The following UBE2D3 variants were observed in gnomAD, a reference collection of about 807,000 sequenced individuals.
UBE2D3 encodes ubiquitin conjugating enzyme E2 D3, also known as ubiquitin-conjugating enzyme E2 D3.
Under a neutral mutation model 22.8 loss-of-function variants are expected in UBE2D3, and 2 were observed. The observed-to-expected ratio is 0.09, with a 90% CI of 0.04 to 0.28. UBE2D3 has a LOEUF of 0.28. UBE2D3 is among the 10% of genes least tolerant of loss of function. UBE2D3 has a pLI of 1.00. For missense variants in UBE2D3, 27 were observed against 182.5 expected, an observed-to-expected ratio of 0.15 and a Z score of 4.91; for synonymous variants, 56 against 60.4, an observed-to-expected ratio of 0.93 and a Z score of 0.34.
At chr4:102,819,444 C>T in intron 2 of UBE2D3, 1 of 316,198 alleles carries the variant, frequency 3.2e-6, no homozygotes, top group Non-Finnish European at 4.6e-6. Context: ...TACAGAGCAG[C>T]CATGTTCCAG....
chr4:102,834,975 C>T (rs1185165550), intron 1 of UBE2D3, among the ~76,000 whole-genome samples: 3 of 152,070 alleles, frequency 2.0e-5, no homozygotes, highest in Admixed American at 6.5e-5. Context: ...AGATTCTTTC[C>T]CCTTTTCCAT....
At chr4:102,836,617 G>A (rs1731421703) in intron 1 of UBE2D3, among the ~76,000 whole-genome samples, 1 of 152,138 alleles carries the variant, frequency 6.6e-6, no homozygotes, top group African/African-American at 2.4e-5. Flanking sequence ...TTTCCCAAGT[G>A]TTTTTTACCA....
chr4:102,853,229 G>A (rs56055030), intron 1 of UBE2D3, among the ~76,000 whole-genome samples: 1 of 135,402 alleles, frequency 7.4e-6, no homozygotes, highest in Non-Finnish European at 1.5e-5. Flanking sequence ...TGCAAGCTCC[G>A]CCTCCCGGGT....
chr4:102,797,589 A>G (rs1217347070), intron 7 of UBE2D3, 129 bp from the exon 8 acceptor site: 2 of 599,360 alleles, frequency 3.3e-6, no homozygotes, highest in East Asian at 3.3e-5. Context: ...TATGATTAGA[A>G]TAAAAGCCAA....
chr4:102,801,378 A>C, intron 6 of UBE2D3, 76 bp downstream of exon 6: 1 of 1,279,524 alleles, frequency 7.8e-7, no homozygotes. Context: ...CCATAATAAA[A>C]ATACTCAGAT....
At chr4:102,826,708 A>C in intron 1 of UBE2D3, 72 bp from the exon 2 acceptor site, 1 of 1,444,134 alleles carries the variant, frequency 6.9e-7, no homozygotes, top group South Asian at 1.5e-5. Context: ...AGGTCCCTTA[A>C]GACAGCCGCG....
intron 1 of UBE2D3, among the ~76,000 whole-genome samples, chr4:102,862,294 T>G (rs1732934221): frequency 2.0e-5 from 3 of 152,002 alleles, no homozygotes; most frequent in African/African-American, 2.4e-5. Context: ...TAAAAAAAGT[T>G]TATCTCTTTA....
chr4:102,814,011 A>G (rs1240786219), intron 2 of UBE2D3, among the ~76,000 whole-genome samples: 1 of 152,232 alleles, frequency 6.6e-6, no homozygotes, highest in Non-Finnish European at 1.5e-5. Flanking sequence ...CCCAAGATTC[A>G]CAATTTTAAG....
chr4:102,845,188 C>T (rs1204277968), intron 1 of UBE2D3, among the ~76,000 whole-genome samples: 1 of 152,080 alleles, frequency 6.6e-6, no homozygotes, highest in Non-Finnish European at 1.5e-5. Flanking sequence ...TGCACTCCAG[C>T]CTGGGTGACA....
At chr4:102,798,901 C>A (rs376660514) in intron 7 of UBE2D3, 1 of 1,608,536 alleles carries the variant, frequency 6.2e-7, no homozygotes. Flanking sequence ...CCATAATAAG[C>A]GCACCATAGA....
intron 4 of UBE2D3, among the ~76,000 whole-genome samples, chr4:102,803,460 C>G (rs187034933): frequency 9.5e-4 from 145 of 152,288 alleles, no homozygotes; most frequent in African/African-American, 3.4e-3. Flanking sequence ...TCACTATGCC[C>G]ATTCTGGATG....
intron 2 of UBE2D3, among the ~76,000 whole-genome samples, chr4:102,824,247 A>T (rs1730096057): frequency 1.3e-5 from 2 of 152,366 alleles, no homozygotes; most frequent in South Asian, 4.1e-4. Flanking sequence ...AAAGGAGACA[A>T]CCTGGTTAAC....
intron 1 of UBE2D3, among the ~76,000 whole-genome samples, chr4:102,862,740 T>C (rs1732958153): frequency 6.6e-6 from 1 of 152,222 alleles, no homozygotes; most frequent in African/African-American, 2.4e-5. Flanking sequence ...GAATTGCCCT[T>C]TAACTACCAG....
At chr4:102,827,280 C>T (rs1327789710) in intron 1 of UBE2D3, 147 bp downstream of exon 1, 1 of 950,174 alleles carries the variant, frequency 1.1e-6, no homozygotes, top group Non-Finnish European at 1.3e-6. Flanking sequence ...CAGGAGAGGC[C>T]GCGGCTTCCC....
intron 1 of UBE2D3, among the ~76,000 whole-genome samples, chr4:102,855,932 G>T (rs1732597688): frequency 6.6e-6 from 1 of 152,184 alleles, no homozygotes; most frequent in Non-Finnish European, 1.5e-5. Flanking sequence ...TGATGAAAGG[G>T]TTGCCATTTT....
chr4:102,848,888 C>G (rs555143607), intron 1 of UBE2D3, among the ~76,000 whole-genome samples: 192 of 149,714 alleles, frequency 1.3e-3, no homozygotes, highest in Non-Finnish European at 2.3e-3. Flanking sequence ...CTTATAGGAA[C>G]GAGGTTATTC....
At chr4:102,821,594 C>T (rs1002121027) in intron 2 of UBE2D3, among the ~76,000 whole-genome samples, 7 of 128,998 alleles carry the variant, frequency 5.4e-5, no homozygotes, top group Non-Finnish European at 1.1e-4. Flanking sequence ...GTCTAAGACC[C>T]CCATGCAGCT....
intron 1 of UBE2D3, among the ~76,000 whole-genome samples, chr4:102,842,439 C>A (rs1320445352): frequency 5.9e-5 from 9 of 151,854 alleles, no homozygotes; most frequent in Non-Finnish European, 1.0e-4. Context: ...CCTGTAATCT[C>A]AGCTACTCAA....
chr4:102,809,221 C>A, intron 4 of UBE2D3: 1 of 271,878 alleles, frequency 3.7e-6, no homozygotes, highest in South Asian at 2.9e-5. Context: ...TAAATATATT[C>A]AAATTTTGCA....
Sources: gnomAD v4.1 joint callset for allele counts (sites outside exome capture counted in the v4.1 genomes callset) on GRCh38, gnomAD v4.1.1 for gene constraint, MANE v1.5 for transcripts, NCBI Gene and HGNC (gene_info 2026-07-23, HGNC 2026-07-21) for gene names.